The following NLK variants were observed in gnomAD, a reference collection of about 807,000 sequenced individuals.
NLK encodes serine/threonine-protein kinase NLK.
NLK carries 11 observed loss-of-function variants against 59.0 expected under a neutral mutation model. The ratio of observed to expected loss-of-function variants is 0.19; its 90% CI spans 0.12 to 0.31. NLK has a LOEUF of 0.31. Ranked by LOEUF, NLK falls within the 10% of genes least tolerant of loss-of-function variation. The probability of loss-of-function intolerance (pLI) is 1.00; values close to 1 mark genes in which losing one functional copy is unlikely to be tolerated. For synonymous variants in NLK, 235 were observed against 235.9 expected (o/e 1.00, Z 0.03); for missense variants, 410 against 661.1 (o/e 0.62, Z 4.16).
chr17:28,055,282 G>A (rs914696402), intron 1 of NLK, among the ~76,000 whole-genome samples: 3 of 151,780 alleles, frequency 2.0e-5, no homozygotes, highest in Admixed American at 1.3e-4. Context: ...TAGTAGAGAC[G>A]GAGTTTCACC....
chr17:28,205,984 T>C, the NLK span, among the ~76,000 whole-genome samples: 1 of 152,236 alleles, frequency 6.6e-6, no homozygotes, highest in African/African-American at 2.4e-5. Context: ...TTAATTTGCC[T>C]GACCCTAGTA....
intron 1 of NLK, among the ~76,000 whole-genome samples, chr17:28,092,836 C>G (rs1480231000): frequency 2.0e-5 from 3 of 150,684 alleles, no homozygotes; most frequent in Non-Finnish European, 4.4e-5. Flanking sequence ...GTCTCACTTG[C>G]CCAGGCTGGA....
intron 1 of NLK, among the ~76,000 whole-genome samples, chr17:28,093,393 C>T (rs1414980820): frequency 2.6e-5 from 4 of 152,214 alleles, no homozygotes; most frequent in South Asian, 4.1e-4. Context: ...CTTTTGTGGG[C>T]GATCTCCATT....
At chr17:28,099,703 C>T (rs895128425) in intron 1 of NLK, among the ~76,000 whole-genome samples, 17 of 150,626 alleles carry the variant, frequency 1.1e-4, no homozygotes, top group African/African-American at 3.9e-4. Flanking sequence ...CTCAGCCTCC[C>T]GAGTAGCTGG....
rs369125573 is a variant in NLK at position 28,043,089 on chromosome 17, T to G, written c.216T>G (p.Ala72=). The change falls in exon 1 of 11, where the codon GCT becomes GCG. Residue 72 remains alanine (A), a synonymous_variant. Transcript: ENST00000407008. ...HPVQQHTSSA[A]AAAAAAAAAA... ...TACAGCAGCACACCTCTTCGGCAGC[T>G]GCGGCAGCCGCAGCAGCGGCTGCAG... 7.6e-6 allele frequency: 12 copies of G among 1,578,224 alleles called. No individual in the cohort carries two copies. The highest frequency in any genetic ancestry group is 9.5e-6 in the Non-Finnish European group (11 of 1,161,886).
At chr17:28,096,684 C>T (rs974261150) in intron 1 of NLK, among the ~76,000 whole-genome samples, 1 of 152,010 alleles carries the variant, frequency 6.6e-6, no homozygotes, top group Non-Finnish European at 1.5e-5. Context: ...CTCTAGTTTC[C>T]CACTCCCCCA....
intron 1 of NLK, among the ~76,000 whole-genome samples, chr17:28,086,661 G>T (rs1036632064): frequency 6.6e-6 from 1 of 151,308 alleles, no homozygotes; most frequent in African/African-American, 2.4e-5. Flanking sequence ...TCATGAGGTT[G>T]CATTTCCTTC....
chr17:28,083,520 T>C, intron 1 of NLK, among the ~76,000 whole-genome samples: 1 of 152,216 alleles, frequency 6.6e-6, no homozygotes, highest in South Asian at 2.1e-4. Context: ...TTATATCAGA[T>C]GTCTAAGTTC....
At chr17:28,161,288 A>G in intron 4 of NLK, 22 bp downstream of exon 4, 1 of 1,293,596 alleles carries the variant, frequency 7.7e-7, no homozygotes, top group Non-Finnish European at 1.1e-6. Context: ...TTATGAAGAA[A>G]AAGGTGCTGT....
At chr17:28,076,349 C>A (rs545671864) in intron 1 of NLK, among the ~76,000 whole-genome samples, 1 of 152,242 alleles carries the variant, frequency 6.6e-6, no homozygotes, top group African/African-American at 2.4e-5. Context: ...ATAGATGATA[C>A]ATTCTCAATG....
rs1035922907 is a variant in NLK, at chr17:28,169,795, G to A, written c.1047+1138G>A. Among the ~76,000 whole-genome samples the A allele has an allele frequency of 6.7e-5, 10 of 149,364 alleles. 1 individual carries two copies. The Middle Eastern group carries it at 0.01, about 155-fold the overall frequency. Reference sequence around the variant, plus strand: ...ACAATGAAGTAGGAAAGCTGAAAACGGGGCCTGGCACATAGTAAGCACTCT... The same window carrying A: ...ACAATGAAGTAGGAAAGCTGAAAACAGGGCCTGGCACATAGTAAGCACTCT... On this transcript the variant is annotated intron_variant, in intron 6 of 10. Coordinates refer to ENST00000407008, the MANE Select transcript of NLK (RefSeq NM_016231.5).
At chr17:28,201,574 AAAAC>A in the NLK span, among the ~76,000 whole-genome samples, 7 of 152,062 alleles carry the variant, frequency 4.6e-5, no homozygotes, top group African/African-American at 1.7e-4. Context: ...AAAACAAACA[AAAAC>A]AAAATACTAG....
intron 7 of NLK, among the ~76,000 whole-genome samples, chr17:28,176,268 G>A (rs935968569): frequency 6.6e-6 from 1 of 152,134 alleles, no homozygotes; most frequent in South Asian, 2.1e-4. Context: ...GATTGATGGT[G>A]TTTAAACTCA....
intron 8 of NLK, among the ~76,000 whole-genome samples, chr17:28,185,625 T>C (rs1909086782): frequency 6.6e-6 from 1 of 152,180 alleles, no homozygotes; most frequent in Non-Finnish European, 1.5e-5. Flanking sequence ...CTCAGCTCAC[T>C]GTACCCTCAA....
At chr17:28,192,664 A>G (rs1306686331) in intron 10 of NLK, among the ~76,000 whole-genome samples, 1 of 151,088 alleles carries the variant, frequency 6.6e-6, no homozygotes, top group Non-Finnish European at 1.5e-5. Context: ...GCGAAACTCC[A>G]TCTCAAAAAA....
chr17:28,190,852 C>G, intron 8 of NLK, 169 bp from the exon 9 acceptor site: 2 of 525,404 alleles, frequency 3.8e-6, no homozygotes, highest in Admixed American at 3.7e-5. Flanking sequence ...CATACACTCC[C>G]TCTGCTGCTA....
At chr17:28,190,840 A>G (rs1909280169) in intron 8 of NLK, 181 bp from the exon 9 acceptor site, 1 of 514,140 alleles carries the variant, frequency 1.9e-6, no homozygotes, top group Non-Finnish European at 3.4e-6. Context: ...GTTGTCCTAA[A>G]TCATACACTC....
rs577146704 is a variant in NLK at position 28,085,857 on chromosome 17, A to G, written c.459-36746A>G. Among the ~76,000 whole-genome samples the G allele has an allele frequency of 3.9e-4, 60 of 152,284 alleles. 1 individual carries two copies. The South Asian group carries it at 0.012, about 31-fold the overall frequency. Reference sequence around the variant, plus strand: ...GCTGTTTAGATCTGTTAGATACACAAATTTGTCACAGTAACATGCTGTACA... The same window carrying G: ...GCTGTTTAGATCTGTTAGATACACAGATTTGTCACAGTAACATGCTGTACA... On this transcript the variant is annotated intron_variant, in intron 1 of 10. Coordinates refer to ENST00000407008, the MANE Select transcript of NLK (RefSeq NM_016231.5).
At chr17:28,205,064 C>G in the NLK span, among the ~76,000 whole-genome samples, 1 of 152,144 alleles carries the variant, frequency 6.6e-6, no homozygotes, top group Non-Finnish European at 1.5e-5. Flanking sequence ...GATGGAGATA[C>G]CATTCATGGA....
Sources: gnomAD v4.1 joint callset for allele counts (sites outside exome capture counted in the v4.1 genomes callset) on GRCh38, gnomAD v4.1.1 for gene constraint, MANE v1.5 for transcripts, NCBI Gene and HGNC (gene_info 2026-07-23, HGNC 2026-07-21) for gene names.